SH3RF3: variants seen among roughly 807,000 people sequenced by gnomAD.
SH3RF3 encodes the protein E3 ubiquitin-protein ligase SH3RF3.
A neutral mutation model predicts 66.3 loss-of-function variants in SH3RF3; 29 were observed. That is an observed-to-expected ratio of 0.44 (90% CI 0.33 to 0.60). SH3RF3 has a LOEUF of 0.60. SH3RF3 is among the 20% of genes least tolerant of loss of function. The pLI is 0.04. For synonymous variants in SH3RF3, 583 were observed against 532.0 expected (o/e 1.10, Z -1.32); for missense variants, 1,194 against 1,190.9 (o/e 1.00, Z -0.04).
intron 1 of SH3RF3, among the ~76,000 whole-genome samples, chr2:109,272,047 C>T (rs1281916618): frequency 6.6e-6 from 1 of 152,154 alleles, no homozygotes; most frequent in Non-Finnish European, 1.5e-5. Context: ...GGGGTGCTGC[C>T]CTGTCCCATC....
chr2:109,282,842 A>T (rs910783700), intron 1 of SH3RF3, among the ~76,000 whole-genome samples: 3 of 152,104 alleles, frequency 2.0e-5, no homozygotes, highest in Non-Finnish European at 4.4e-5. Flanking sequence ...TGGAGGGGTA[A>T]TGGTCCTCCT....
At chr2:109,245,972 G>T (rs913137926) in intron 1 of SH3RF3, among the ~76,000 whole-genome samples, 2 of 152,210 alleles carry the variant, frequency 1.3e-5, no homozygotes, top group Non-Finnish European at 2.9e-5. Flanking sequence ...AAGTCTCTAA[G>T]CTGGCTTATT....
chr2:109,137,945 C>T (rs1676851744), intron 1 of SH3RF3, among the ~76,000 whole-genome samples: 2 of 152,252 alleles, frequency 1.3e-5, no homozygotes, highest in African/African-American at 4.8e-5. Context: ...AGGCCGACTT[C>T]TGGAGGTGTT....
At chr2:109,200,696 C>T (rs17035131) in intron 1 of SH3RF3, among the ~76,000 whole-genome samples, 10 of 152,182 alleles carry the variant, frequency 6.6e-5, no homozygotes, top group Admixed American at 3.3e-4. Context: ...CCCTGCACTC[C>T]GGTTGGTTCA....
chr2:109,227,649 G>A (rs1679401776), intron 1 of SH3RF3, among the ~76,000 whole-genome samples: 1 of 152,172 alleles, frequency 6.6e-6, no homozygotes, highest in Non-Finnish European at 1.5e-5. Flanking sequence ...CTGGCTTCAT[G>A]GGGTACACGG....
chr2:109,161,644 A>G (rs1677492763), intron 1 of SH3RF3, among the ~76,000 whole-genome samples: 1 of 151,878 alleles, frequency 6.6e-6, no homozygotes. Context: ...GTCTCAGGCT[A>G]CTTCTGCTTG....
At chr2:109,350,336 G>A (rs1682812591) in intron 2 of SH3RF3, among the ~76,000 whole-genome samples, 2 of 152,278 alleles carry the variant, frequency 1.3e-5, no homozygotes, top group Middle Eastern at 3.4e-3. Flanking sequence ...GATCTGTGAC[G>A]GCTCCCACAG....
intron 3 of SH3RF3, among the ~76,000 whole-genome samples, chr2:109,373,685 A>G (rs1683322995): frequency 6.6e-6 from 1 of 152,152 alleles, no homozygotes; most frequent in Non-Finnish European, 1.5e-5. Context: ...GGCTGCAGAA[A>G]GGTTTCGTGT....
At chr2:109,450,245 C>G (rs1338305142) in intron 8 of SH3RF3, among the ~76,000 whole-genome samples, 1 of 151,960 alleles carries the variant, frequency 6.6e-6, no homozygotes, top group African/African-American at 2.4e-5. Context: ...ACCTAGGAGG[C>G]TGAGGCAGGA....
chr2:109,171,080 A>T (rs1270193634), intron 1 of SH3RF3, among the ~76,000 whole-genome samples: 1 of 152,152 alleles, frequency 6.6e-6, no homozygotes, highest in Non-Finnish European at 1.5e-5. Context: ...TCCTGGTTTT[A>T]TGTAGCTCAC....
chr2:109,357,547 C>A (rs1369008408), intron 2 of SH3RF3, among the ~76,000 whole-genome samples: 1 of 152,200 alleles, frequency 6.6e-6, no homozygotes, highest in East Asian at 1.9e-4. Context: ...CTGACAGTTA[C>A]CAGCCCGCCC....
At chr2:109,252,512 A>G (rs963168949) in intron 1 of SH3RF3, among the ~76,000 whole-genome samples, 1 of 152,046 alleles carries the variant, frequency 6.6e-6, no homozygotes, top group Non-Finnish European at 1.5e-5. Context: ...GGGACTGAGG[A>G]GTTTCTTGGG....
intron 3 of SH3RF3, among the ~76,000 whole-genome samples, chr2:109,393,109 C>T (rs548628767): frequency 6.6e-6 from 1 of 152,334 alleles, no homozygotes; most frequent in East Asian, 1.9e-4. Flanking sequence ...CCAACAAAAG[C>T]TTCAGGCAGG....
intron 1 of SH3RF3, among the ~76,000 whole-genome samples, chr2:109,277,398 A>G (rs1255158387): frequency 1.3e-5 from 2 of 152,202 alleles, no homozygotes; most frequent in Non-Finnish European, 2.9e-5. Context: ...GGTGATGGAA[A>G]TCAACTTTGT....
intron 1 of SH3RF3, among the ~76,000 whole-genome samples, chr2:109,158,587 G>A (rs375516383): frequency 2.0e-5 from 3 of 152,264 alleles, no homozygotes; most frequent in Admixed American, 6.5e-5. Flanking sequence ...TCTTCACCTC[G>A]CTGCCTGGGA....
chr2:109,248,789 CTCTT>C (rs751359803), intron 1 of SH3RF3, among the ~76,000 whole-genome samples: 3 of 150,192 alleles, frequency 2.0e-5, no homozygotes, highest in East Asian at 2.0e-4. Flanking sequence ...TTCTGTCTTT[CTCTT>C]TCTGTCTCTC....
chr2:109,265,099 C>T (rs773288998), intron 1 of SH3RF3, among the ~76,000 whole-genome samples: 14 of 152,060 alleles, frequency 9.2e-5, no homozygotes, highest in Non-Finnish European at 1.6e-4. Context: ...TAGACTTTGC[C>T]CACTTGAGGC....
intron 1 of SH3RF3, among the ~76,000 whole-genome samples, chr2:109,328,137 C>T (rs1171336653): frequency 1.3e-5 from 2 of 152,192 alleles, no homozygotes; most frequent in Non-Finnish European, 2.9e-5. Context: ...CAAAAAACAG[C>T]CAAACCATTG....
chr2:109,418,879 T>C (rs1676795945), intron 4 of SH3RF3, among the ~76,000 whole-genome samples: 1 of 152,094 alleles, frequency 6.6e-6, no homozygotes, highest in South Asian at 2.1e-4. Flanking sequence ...GACTAAGGAT[T>C]CTCTATGTAG....
Sources: allele counts gnomAD v4.1 joint callset (sites outside exome capture counted in the v4.1 genomes callset), GRCh38; gene constraint gnomAD v4.1.1; transcripts MANE v1.5; gene names NCBI Gene and HGNC (gene_info 2026-07-23, HGNC 2026-07-21).